The following ZNRF1 variants were observed in gnomAD, a reference collection of about 807,000 sequenced individuals.
ZNRF1 encodes the protein zinc and ring finger 1.
A neutral mutation model predicts 18.4 loss-of-function variants in ZNRF1; 3 were observed. The observed-to-expected ratio is 0.16, with a 90% CI of 0.07 to 0.42. ZNRF1 has a LOEUF of 0.42. Among genes scored for constraint, ZNRF1 ranks in the 10% least tolerant of loss-of-function variants. The pLI is 0.99. For synonymous variants in ZNRF1, 157 were observed against 144.2 expected (o/e 1.09, Z -0.64); for missense variants, 310 against 329.8 (o/e 0.94, Z 0.47).
intron 4 of ZNRF1, 192 bp from the exon 5 acceptor site, chr16:75,107,541 A>AG: frequency 2.9e-6 from 1 of 350,544 alleles, no homozygotes; most frequent in Non-Finnish European, 5.7e-6. Context: ...AGAAAGAGCC[A>AG]GGGGGGAGAG....
chr16:75,103,617 A>G (rs1250159768), intron 2 of ZNRF1, among the ~76,000 whole-genome samples: 1 of 152,212 alleles, frequency 6.6e-6, no homozygotes, highest in African/African-American at 2.4e-5. Flanking sequence ...TGACAATACT[A>G]TGTTGTACAC....
chr16:75,098,125 T>G (rs1321108102), intron 2 of ZNRF1, among the ~76,000 whole-genome samples: 1 of 152,194 alleles, frequency 6.6e-6, no homozygotes, highest in Non-Finnish European at 1.5e-5. Context: ...TTACTCCTCC[T>G]ACAGGAGGGC....
At chr16:75,003,635 T>A (rs1271907411) in intron 1 of ZNRF1, among the ~76,000 whole-genome samples, 1 of 152,186 alleles carries the variant, frequency 6.6e-6, no homozygotes, top group African/African-American at 2.4e-5. Context: ...AGTACCCTCT[T>A]CCGCCTCTTA....
At position 74,999,291 on chromosome 16, in the gene ZNRF1, C is replaced by CT. The variant is rs2034801704; in HGVS notation, c.-380dup. 6.7e-6 allele frequency: 1 copy of CT among 148,870 alleles called. No individual in the cohort carries two copies. Among genetic ancestry groups the CT allele is most frequent in the Admixed American group, 6.7e-5 (1 of 14,972 alleles). 9.2% of individuals were successfully genotyped at this position (148,870 alleles called of 1,614,324 possible). A position where few individuals can be genotyped will look rare whatever the true frequency, so the allele number is the denominator to read the frequency against. ...CTCCTCCCGCGGGGCGGGCGGCCTC[C>CT]TCCGGCGCCTCCCCGCGCCCGCCCG... is the stretch of plus-strand genomic sequence containing the variant. On this transcript the variant is annotated 5_prime_UTR_variant, in exon 1 of 5. Transcript: ENST00000335325.
chr16:75,019,948 C>T (rs994168594), intron 1 of ZNRF1, among the ~76,000 whole-genome samples: 4 of 152,146 alleles, frequency 2.6e-5, no homozygotes, highest in South Asian at 2.1e-4. Flanking sequence ...TGGGCTCAGG[C>T]GATCCTCCCA....
At chr16:75,081,835 A>G (rs1349536499) in intron 1 of ZNRF1, among the ~76,000 whole-genome samples, 4 of 152,228 alleles carry the variant, frequency 2.6e-5, no homozygotes, top group Non-Finnish European at 4.4e-5. Flanking sequence ...CAGATGGTCC[A>G]TCCTTTAAAT....
At chr16:75,069,724 T>C (rs1201294469) in intron 1 of ZNRF1, among the ~76,000 whole-genome samples, 6 of 152,198 alleles carry the variant, frequency 3.9e-5, no homozygotes, top group African/African-American at 1.2e-4. Context: ...ATCTGGACTT[T>C]TTAAAACTGT....
At chr16:75,092,489 A>G (rs145932194) in intron 1 of ZNRF1, among the ~76,000 whole-genome samples, 126 of 152,386 alleles carry the variant, frequency 8.3e-4, no homozygotes, top group African/African-American at 2.7e-3. Context: ...TTCAGTGGCA[A>G]CAGATCTTTT....
rs933938211 is a variant in ZNRF1 at position 74,999,795 on chromosome 16, G to C, written c.124G>C (p.Gly42Arg). 7.1e-7 allele frequency: 1 copy of C among 1,415,756 alleles called. No individual in the cohort carries two copies. The highest frequency in any genetic ancestry group is 9.2e-7 in the Non-Finnish European group (1 of 1,091,328). The allele number at this position is 1,415,756 out of a possible 1,614,324, so 87.7% of individuals were successfully genotyped here. A position where few individuals can be genotyped will look rare whatever the true frequency, so the allele number is the denominator to read the frequency against. Reference protein sequence around the residue: ...PHFGHYRTGGGAMGLRSRSVS... With the variant: ...PHFGHYRTGGRAMGLRSRSVS... ...TTTCGGGCACTACCGGACGGGCGGC[G>C]GGGCCATGGGGCTGCGCAGCCGCTC... is the stretch of plus-strand genomic sequence containing the variant. Residue 42 changes from glycine (G) to arginine (R), a missense_variant, in exon 1 of 5, where the codon GGG becomes CGG. Gly to Arg is a moderately radical substitution (Grantham distance 125). This residue lies in a region of ZNRF1 where 293 missense variants were observed against 291.2 expected (regional missense o/e 1.01). Coordinates refer to ENST00000335325, the MANE Select transcript of ZNRF1 (RefSeq NM_032268.5).
At chr16:75,094,124 G>T (rs1414099628) in intron 2 of ZNRF1, among the ~76,000 whole-genome samples, 1 of 152,186 alleles carries the variant, frequency 6.6e-6, no homozygotes, top group Non-Finnish European at 1.5e-5. Flanking sequence ...TGGGAAGCTG[G>T]TCGTCTCCTT....
chr16:75,040,760 C>T (rs1326951308), intron 1 of ZNRF1, among the ~76,000 whole-genome samples: 1 of 151,718 alleles, frequency 6.6e-6, no homozygotes, highest in Non-Finnish European at 1.5e-5. Context: ...GTGCGCGCCA[C>T]CATGCCCAGC....
chr16:75,100,579 G>A (rs1158206504), intron 2 of ZNRF1, among the ~76,000 whole-genome samples: 3 of 152,196 alleles, frequency 2.0e-5, no homozygotes, highest in Non-Finnish European at 4.4e-5. Context: ...GAACACACCT[G>A]GTGTGGGAAG....
chr16:75,101,767 C>G (rs551428336), intron 2 of ZNRF1, among the ~76,000 whole-genome samples: 17 of 152,356 alleles, frequency 1.1e-4, no homozygotes, highest in Non-Finnish European at 2.2e-4. Context: ...CCAAGTCCTC[C>G]TTTCCTCTAC....
At chr16:75,085,673 A>G (rs1040211052) in intron 1 of ZNRF1, among the ~76,000 whole-genome samples, 21 of 152,240 alleles carry the variant, frequency 1.4e-4, no homozygotes, top group African/African-American at 5.1e-4. Context: ...TCCGGTTGCT[A>G]CACATCTTCA....
chr16:75,042,960 G>C (rs1216269848), intron 1 of ZNRF1, among the ~76,000 whole-genome samples: 1 of 152,206 alleles, frequency 6.6e-6, no homozygotes, highest in Non-Finnish European at 1.5e-5. Context: ...CGCAGGCCAA[G>C]GCCAGCTCCG....
intron 1 of ZNRF1, among the ~76,000 whole-genome samples, chr16:75,014,618 C>G (rs1169866192): frequency 6.6e-6 from 1 of 151,958 alleles, no homozygotes; most frequent in Non-Finnish European, 1.5e-5. Flanking sequence ...ATGAGTTTTT[C>G]TAGGGTACAT....
chr16:75,033,936 C>T (rs2035341953), intron 1 of ZNRF1, among the ~76,000 whole-genome samples: 1 of 151,408 alleles, frequency 6.6e-6, no homozygotes, highest in Non-Finnish European at 1.5e-5. Context: ...TGCCTGAGCT[C>T]AGGAGTTTGA....
rs1176208809 is a variant in ZNRF1, at chr16:74,999,794, C to T, written c.123C>T (p.Gly41=). The change falls in exon 1 of 5, where the codon GGC becomes GGT. Residue 41 remains glycine, a synonymous_variant. Coordinates refer to ENST00000335325, the MANE Select transcript of ZNRF1 (RefSeq NM_032268.5). ...ATTTCGGGCACTACCGGACGGGCGG[C>T]GGGGCCATGGGGCTGCGCAGCCGCT... ...APHFGHYRTG[G]GAMGLRSRSV... 5 of 1,416,010 alleles carry T rather than the reference C, an allele frequency of 3.5e-6. No individual in the cohort carries two copies. In the African/African-American group the frequency reaches 6.1e-5, roughly 17 times the overall value. The allele number at this position is 1,416,010 out of a possible 1,614,324, so 87.7% of individuals were successfully genotyped here.
intron 1 of ZNRF1, among the ~76,000 whole-genome samples, chr16:75,044,422 T>G (rs1386731709): frequency 6.6e-6 from 1 of 152,198 alleles, no homozygotes; most frequent in Non-Finnish European, 1.5e-5. Context: ...AGACTGGCTT[T>G]TGCCATGTTG....
Sources: gnomAD v4.1 joint callset for allele counts (sites outside exome capture counted in the v4.1 genomes callset) on GRCh38, gnomAD v4.1.1 for gene constraint, gnomAD v4.1.1 regional missense constraint, MANE v1.5 for transcripts, NCBI Gene and HGNC (gene_info 2026-07-23, HGNC 2026-07-21) for gene names.